CGNL1: variants seen among roughly 807,000 people sequenced by gnomAD.
The protein encoded by CGNL1 is cingulin like 1, also known as cingulin-like protein 1.
A neutral mutation model predicts 141.2 loss-of-function variants in CGNL1; 132 were observed. The observed-to-expected ratio is 0.93, with a 90% CI of 0.81 to 1.08. The LOEUF is 1.08. Ranked by LOEUF, CGNL1 falls within the 50% of genes least tolerant of loss-of-function variation. The probability of loss-of-function intolerance (pLI) is 0.00; values close to 1 mark genes in which losing one functional copy is unlikely to be tolerated. For missense variants in CGNL1, 1,870 were observed against 1,588.6 expected, an observed-to-expected ratio of 1.18 and a Z score of -3.01; for synonymous variants, 690 against 622.1, an observed-to-expected ratio of 1.11 and a Z score of -1.63.
At chr15:57,477,586 C>T (rs771563669) in intron 8 of CGNL1, 1 of 152,260 alleles carries the variant, frequency 6.6e-6, no homozygotes, top group Non-Finnish European at 1.5e-5. Flanking sequence ...ACCCCTCATG[C>T]TCTCTGATTT....
At chr15:57,390,864 G>A (rs1706389) in intron 1 of CGNL1, among the ~76,000 whole-genome samples, 67,898 of 151,636 alleles carry the variant, frequency 0.45, 15,434 homozygotes, top group Middle Eastern at 0.54. Context: ...CAGGCTGCCA[G>A]CTGTGGTGGC....
intron 14 of CGNL1, among the ~76,000 whole-genome samples, chr15:57,537,748 G>A (rs2032340835): frequency 6.6e-6 from 1 of 152,186 alleles, no homozygotes; most frequent in South Asian, 2.1e-4. Flanking sequence ...AAACCCACTG[G>A]AATCTGATAC....
chr15:57,488,480 A>T (rs759050680), intron 8 of CGNL1, among the ~76,000 whole-genome samples: 2 of 152,184 alleles, frequency 1.3e-5, no homozygotes, highest in Non-Finnish European at 2.9e-5. Context: ...GGTCATGAAG[A>T]CCTTCTCTTC....
At chr15:57,540,150 C>T (rs1463547026) in intron 14 of CGNL1, among the ~76,000 whole-genome samples, 2 of 152,184 alleles carry the variant, frequency 1.3e-5, no homozygotes, top group Non-Finnish European at 2.9e-5. Context: ...TTACCTCCTA[C>T]TCTGTGTTAC....
intron 7 of CGNL1, among the ~76,000 whole-genome samples, chr15:57,455,407 T>A (rs1271203616): frequency 2.6e-5 from 4 of 152,230 alleles, no homozygotes; most frequent in African/African-American, 9.6e-5. Flanking sequence ...GGGAAAGATG[T>A]TATCTTAGCT....
chr15:57,546,363 T>A, intron 18 of CGNL1, 124 bp downstream of exon 18: 1 of 1,210,148 alleles, frequency 8.3e-7, no homozygotes, highest in Non-Finnish European at 1.1e-6. Context: ...TTTGGGGTTA[T>A]CGTATCTTAG....
chr15:57,495,803 T>G (rs865930034), intron 8 of CGNL1, among the ~76,000 whole-genome samples: 1 of 152,174 alleles, frequency 6.6e-6, no homozygotes, highest in African/African-American at 2.4e-5. Context: ...AATAAAGCAT[T>G]AGGTCCCAGT....
chr15:57,383,619 TTCTTTTCTTTTC>T (rs1207687594), intron 1 of CGNL1, among the ~76,000 whole-genome samples: 5,253 of 79,522 alleles, frequency 0.066, 606 homozygotes, highest in African/African-American at 0.27. Flanking sequence ...TTCTTTTCTT[TTCTTTTCTTTTC>T]TTTTTTTTTT....
chr15:57,408,394 G>A (rs1343321119), intron 1 of CGNL1, among the ~76,000 whole-genome samples: 1 of 152,046 alleles, frequency 6.6e-6, no homozygotes, highest in Non-Finnish European at 1.5e-5. Context: ...TTCCACAAAT[G>A]TGCACTGCCC....
chr15:57,431,304 C>G (rs2063041838), intron 1 of CGNL1, among the ~76,000 whole-genome samples: 1 of 152,140 alleles, frequency 6.6e-6, no homozygotes, highest in South Asian at 2.1e-4. Context: ...AAATTGTTTT[C>G]CCAGGGAGTT....
intron 1 of CGNL1, among the ~76,000 whole-genome samples, chr15:57,400,011 TTTA>T (rs1309088058): frequency 6.6e-6 from 1 of 151,178 alleles, no homozygotes; most frequent in Non-Finnish European, 1.5e-5. Context: ...TTTTTTTTTT[TTTA>T]ATGGGGTCTC....
chr15:57,400,680 GGA>G (rs1462454724), intron 1 of CGNL1, among the ~76,000 whole-genome samples: 1 of 151,850 alleles, frequency 6.6e-6, no homozygotes, highest in Non-Finnish European at 1.5e-5. Flanking sequence ...GTCGGGAGTT[GGA>G]GACCAGCCTG....
At chr15:57,542,422 C>T (rs2032617661) in intron 14 of CGNL1, among the ~76,000 whole-genome samples, 1 of 152,180 alleles carries the variant, frequency 6.6e-6, no homozygotes, top group African/African-American at 2.4e-5. Flanking sequence ...GGGTCTGGAG[C>T]CTCCGCCTCA....
intron 3 of CGNL1, among the ~76,000 whole-genome samples, chr15:57,440,703 A>G (rs892045389): frequency 6.6e-6 from 1 of 152,164 alleles, no homozygotes; most frequent in Non-Finnish European, 1.5e-5. Context: ...ATTAAAATGA[A>G]TACATTTTTA....
At chr15:57,483,733 T>C (rs546695545) in intron 8 of CGNL1, among the ~76,000 whole-genome samples, 1 of 152,312 alleles carries the variant, frequency 6.6e-6, no homozygotes, top group East Asian at 1.9e-4. Flanking sequence ...TTAAATATAA[T>C]GTTAATTATA....
chr15:57,423,929 C>G (rs74587579), intron 1 of CGNL1, among the ~76,000 whole-genome samples: 1 of 152,172 alleles, frequency 6.6e-6, no homozygotes, highest in Non-Finnish European at 1.5e-5. Flanking sequence ...CACCGCAGCT[C>G]GGTGCTGGAG....
chr15:57,413,487 G>T (rs1277443406), intron 1 of CGNL1, among the ~76,000 whole-genome samples: 1 of 151,988 alleles, frequency 6.6e-6, no homozygotes, highest in East Asian at 2.0e-4. Flanking sequence ...TGTCCCTAGG[G>T]GTTGCCCAGG....
intron 8 of CGNL1, among the ~76,000 whole-genome samples, chr15:57,510,827 A>G (rs1231207266): frequency 3.3e-5 from 5 of 152,090 alleles, no homozygotes; most frequent in Non-Finnish European, 4.4e-5. Context: ...TCTCCCAGCT[A>G]TATGTGGTGA....
intron 1 of CGNL1, among the ~76,000 whole-genome samples, chr15:57,390,677 C>T (rs2062532846): frequency 1.3e-5 from 2 of 152,100 alleles, no homozygotes; most frequent in Admixed American, 1.3e-4. Flanking sequence ...GCATTTGGTG[C>T]AGGTACCAGC....
Sources: gnomAD v4.1 joint callset for allele counts (sites outside exome capture counted in the v4.1 genomes callset) on GRCh38, gnomAD v4.1.1 for gene constraint, MANE v1.5 for transcripts, NCBI Gene and HGNC (gene_info 2026-07-23, HGNC 2026-07-21) for gene names.